Variants in NTRK2 observed in about 807,000 individuals in gnomAD.
The protein encoded by NTRK2 is BDNF/NT-3 growth factors receptor.
In NTRK2, 13 loss-of-function variants were observed where a neutral mutation model predicts 94.5. The observed-to-expected ratio is 0.14, with a 90% confidence interval of 0.09 to 0.22. The LOEUF (loss-of-function observed/expected upper bound fraction) is 0.22, where lower values mean the gene tolerates loss of function less well. Among genes scored for constraint, NTRK2 ranks in the 10% least tolerant of loss-of-function variants. NTRK2 has a pLI of 1.00. For missense variants in NTRK2, 639 were observed against 1,071.2 expected (o/e 0.60, Z 5.63); for synonymous variants, 372 against 407.4 (o/e 0.91, Z 1.05).
intron 4 of NTRK2, among the ~76,000 whole-genome samples, chr9:84,707,166 TA>T (rs559439890): frequency 1.5e-3 from 233 of 152,308 alleles, no homozygotes; most frequent in African/African-American, 5.3e-3. Context: ...AGTAAATTAT[TA>T]TTTTTTTTAG....
At chr9:84,842,117 C>A (rs2074221084) in intron 12 of NTRK2, among the ~76,000 whole-genome samples, 1 of 152,212 alleles carries the variant, frequency 6.6e-6, no homozygotes, top group Non-Finnish European at 1.5e-5. Context: ...CCCCTGTTTT[C>A]ATGTCCAGCC....
At chr9:84,930,252 A>G (rs1318549017) in intron 14 of NTRK2, among the ~76,000 whole-genome samples, 1 of 152,232 alleles carries the variant, frequency 6.6e-6, no homozygotes, top group African/African-American at 2.4e-5. Context: ...TCCACTGCTG[A>G]AAGCTGGAGG....
At chr9:84,972,618 A>T (rs1158625254) in intron 17 of NTRK2, among the ~76,000 whole-genome samples, 1 of 152,188 alleles carries the variant, frequency 6.6e-6, no homozygotes, top group Non-Finnish European at 1.5e-5. Context: ...CAGTGGAAAA[A>T]CTTTGATGTG....
intron 17 of NTRK2, among the ~76,000 whole-genome samples, chr9:84,977,586 G>T (rs1005691597): frequency 6.6e-6 from 1 of 152,188 alleles, no homozygotes; most frequent in Non-Finnish European, 1.5e-5. Context: ...GATATTACAA[G>T]TACATTTTAC....
At position 84,914,789 on chromosome 9, in the gene NTRK2, A is replaced by C. The variant is rs573128683; in HGVS notation, c.1634-19373A>C. ...TGGCTTCTTAAGCTCCAATTTGGGG[A>C]CATACGAAGCAAAAAGAAAATCCAG... On this transcript the variant is annotated intron_variant, in intron 14 of 18. Coordinates refer to ENST00000277120, the MANE Select transcript of NTRK2 (RefSeq NM_006180.6). Among the ~76,000 whole-genome samples the C allele has an allele frequency of 9.8e-4, 149 of 152,162 alleles. 1 individual carries two copies. The highest frequency in any genetic ancestry group is 6.8e-3 in the Middle Eastern group (2 of 294).
chr9:84,880,149 A>C (rs952143888), intron 14 of NTRK2, among the ~76,000 whole-genome samples: 5 of 152,024 alleles, frequency 3.3e-5, no homozygotes, highest in Non-Finnish European at 7.4e-5. Context: ...TAGATCTCAG[A>C]CTCTTTCTTG....
At position 85,013,831 on chromosome 9, in the gene NTRK2, C is replaced by G. The variant is rs1831910664; in HGVS notation, c.2173-6375C>G. ...CTTTGGCCTACAAGTTTCTAAGGGA[C>G]TAGGATGTTTGGCTTCCAAATAAGT... On this transcript the variant is annotated intron_variant, in intron 17 of 18. Transcript: ENST00000277120. Among the ~76,000 whole-genome samples, 6 of 152,158 alleles carry G rather than the reference C, an allele frequency of 3.9e-5. No individual in the cohort carries two copies. In the South Asian group the frequency reaches 1.2e-3, roughly 32 times the overall value.
chr9:84,777,253 T>A (rs1376930258), intron 12 of NTRK2, among the ~76,000 whole-genome samples: 1 of 152,202 alleles, frequency 6.6e-6, no homozygotes, highest in Non-Finnish European at 1.5e-5. Context: ...CAGAACCTCC[T>A]CTTATTCTCA....
intron 17 of NTRK2, among the ~76,000 whole-genome samples, chr9:85,017,591 G>T (rs1031940308): frequency 1.3e-5 from 2 of 152,200 alleles, no homozygotes; most frequent in Admixed American, 6.5e-5. Context: ...CCAAAGTTAA[G>T]TTTGTTCTTT....
intron 17 of NTRK2, among the ~76,000 whole-genome samples, chr9:84,982,625 C>T (rs1253516458): frequency 6.6e-6 from 1 of 152,168 alleles, no homozygotes; most frequent in African/African-American, 2.4e-5. Flanking sequence ...TTTTAGCCCC[C>T]TCTCACTTCT....
intron 14 of NTRK2, among the ~76,000 whole-genome samples, chr9:84,882,724 G>GCA (rs2076297034): frequency 6.6e-6 from 1 of 150,562 alleles, no homozygotes; most frequent in Non-Finnish European, 1.5e-5. Context: ...GTGTGTGCGC[G>GCA]CGCGCGCGCA....
At chr9:84,887,539 A>T (rs1260996009) in intron 14 of NTRK2, among the ~76,000 whole-genome samples, 1 of 152,248 alleles carries the variant, frequency 6.6e-6, no homozygotes, top group Non-Finnish European at 1.5e-5. Flanking sequence ...GCCTCGGAGA[A>T]AAACGATGTG....
intron 2 of NTRK2, among the ~76,000 whole-genome samples, chr9:84,690,725 A>T (rs1456089457): frequency 1.3e-5 from 2 of 152,022 alleles, no homozygotes; most frequent in South Asian, 2.1e-4. Context: ...TCTCAAAAAA[A>T]AAAATAAAAA....
intron 12 of NTRK2, among the ~76,000 whole-genome samples, chr9:84,770,650 T>G (rs904375995): frequency 3.3e-5 from 5 of 152,192 alleles, no homozygotes; most frequent in African/African-American, 9.6e-5. Context: ...TATGTGCAAG[T>G]GGGGGAATCT....
At chr9:84,782,741 T>TC (rs1279895649) in intron 12 of NTRK2, among the ~76,000 whole-genome samples, 1 of 152,156 alleles carries the variant, frequency 6.6e-6, no homozygotes. Context: ...ACCTCAGCAT[T>TC]TGTGAGAGAT....
intron 12 of NTRK2, among the ~76,000 whole-genome samples, chr9:84,787,994 T>C (rs529482959): frequency 6.6e-6 from 1 of 152,306 alleles, no homozygotes; most frequent in African/African-American, 2.4e-5. Flanking sequence ...CAATGCTACT[T>C]ATAAGGCTAT....
chr9:84,875,264 T>C, intron 14 of NTRK2: 1 of 1,058,944 alleles, frequency 9.4e-7, no homozygotes, highest in Non-Finnish European at 1.1e-6. Flanking sequence ...TTGGGTGTAT[T>C]ATTCCCAGTT....
chr9:84,845,286 G>A (rs1417504027), intron 12 of NTRK2, among the ~76,000 whole-genome samples: 1 of 123,760 alleles, frequency 8.1e-6, no homozygotes, highest in Non-Finnish European at 1.7e-5. Flanking sequence ...CACACACACG[G>A]CTATCACTAT....
Position 84,670,476 on chromosome 9 carries a change from A to T in NTRK2, c.-273A>T. ...CGGTCGGTGCCCGGCGCGCCGGGCC[A>T]TGCAGCGACGGCCGCCGCGGAGCTC... On this transcript the variant is annotated 5_prime_UTR_variant, in exon 2 of 19. The change abolishes an upstream ATG in the 5' untranslated region. Transcript: ENST00000277120. 2.2e-6 allele frequency: 1 copy of T among 463,260 alleles called. No individual in the cohort carries two copies. The highest frequency in any genetic ancestry group is 2.2e-5 in the South Asian group (1 of 45,930). 28.7% of individuals were successfully genotyped at this position (463,260 alleles called of 1,614,324 possible).
Sources: gnomAD v4.1 joint callset for allele counts (sites outside exome capture counted in the v4.1 genomes callset) on GRCh38, gnomAD v4.1.1 for gene constraint, MANE v1.5 for transcripts, NCBI Gene and HGNC (gene_info 2026-07-23, HGNC 2026-07-21) for gene names.